The following FANCB variants were observed in gnomAD, a reference collection of about 807,000 sequenced individuals.
FANCB encodes Fanconi anemia group B protein.
Under a neutral mutation model 38.9 loss-of-function variants are expected in FANCB, and 5 were observed. The ratio of observed to expected loss-of-function variants is 0.13; its 90% CI spans 0.07 to 0.27. FANCB has a LOEUF of 0.27. FANCB is among the 10% of genes least tolerant of loss of function. The probability of loss-of-function intolerance (pLI) is 1.00; values close to 1 mark genes in which losing one functional copy is unlikely to be tolerated. For missense variants in FANCB, 573 were observed against 602.7 expected, an observed-to-expected ratio of 0.95 and a Z score of 0.52; for synonymous variants, 236 against 215.4, an observed-to-expected ratio of 1.10 and a Z score of -0.84.
chrX:14,869,543 C>T (rs1328558281), intron 1 of FANCB, among the ~76,000 whole-genome samples: 1 of 111,797 alleles, frequency 8.9e-6, no homozygotes, highest in African/African-American at 3.3e-5. Context: ...CTTAATTAGT[C>T]TTCCTTAATC....
the FANCB span, among the ~76,000 whole-genome samples, chrX:14,796,325 C>T: frequency 2.8e-5 from 3 of 106,959 alleles, no homozygotes; most frequent in African/African-American, 1.0e-4. Flanking sequence ...CTGTATTAGT[C>T]AGAGTTCTCC....
the FANCB span, among the ~76,000 whole-genome samples, chrX:14,702,562 T>G: frequency 8.9e-6 from 1 of 112,040 alleles, no homozygotes; most frequent in African/African-American, 3.2e-5. Flanking sequence ...CTGGTTTGAA[T>G]TCTTTGCAGT....
chrX:14,740,433 T>A, the FANCB span, among the ~76,000 whole-genome samples: 2 of 111,481 alleles, frequency 1.8e-5, no homozygotes, highest in African/African-American at 6.5e-5. Flanking sequence ...ACCTTACCAG[T>A]GCTTAAACAT....
At chrX:14,716,602 A>G in the FANCB span, among the ~76,000 whole-genome samples, 8 of 111,311 alleles carry the variant, frequency 7.2e-5, no homozygotes, top group Non-Finnish European at 1.5e-4. Context: ...GGATCACTAC[A>G]AACACAATTA....
chrX:14,727,334 A>G, the FANCB span, among the ~76,000 whole-genome samples: 12 of 112,261 alleles, frequency 1.1e-4, no homozygotes, highest in Admixed American at 1.9e-4. Context: ...CTTTGAAAGA[A>G]TAAGTAGCTT....
the FANCB span, among the ~76,000 whole-genome samples, chrX:14,752,164 A>G: frequency 6.3e-5 from 7 of 111,726 alleles, no homozygotes; most frequent in Non-Finnish European, 9.4e-5. Flanking sequence ...CTAATCACCA[A>G]TAAGACTTTC....
chrX:14,808,629 A>T, the FANCB span, among the ~76,000 whole-genome samples: 2 of 112,371 alleles, frequency 1.8e-5, no homozygotes, highest in Non-Finnish European at 3.8e-5. Context: ...GAAAAACTGA[A>T]AGCCTTTCCT....
chrX:14,781,184 C>T, the FANCB span, among the ~76,000 whole-genome samples: 2 of 108,138 alleles, frequency 1.8e-5, no homozygotes, highest in African/African-American at 3.7e-5. Flanking sequence ...AATCCCAAAA[C>T]TTTGGGAGGC....
chrX:14,818,468 AC>A, the FANCB span, among the ~76,000 whole-genome samples: 1 of 110,024 alleles, frequency 9.1e-6, no homozygotes, highest in South Asian at 3.9e-4. Flanking sequence ...ATGTTCCAAA[AC>A]ATTCATTCAA....
the FANCB span, among the ~76,000 whole-genome samples, chrX:14,798,492 A>C: frequency 8.9e-6 from 1 of 112,533 alleles, no homozygotes; most frequent in Admixed American, 9.4e-5. Context: ...ACAAAGAAAT[A>C]AGCAATATGT....
chrX:14,709,775 G>A, the FANCB span, among the ~76,000 whole-genome samples: 1 of 111,839 alleles, frequency 8.9e-6, no homozygotes, highest in Non-Finnish European at 1.9e-5. Flanking sequence ...TTACTCTGCT[G>A]CTTTGAATGT....
At chrX:14,815,494 T>A in the FANCB span, among the ~76,000 whole-genome samples, 1 of 112,628 alleles carries the variant, frequency 8.9e-6, no homozygotes, top group Non-Finnish European at 1.9e-5. Flanking sequence ...AGAATGGCTA[T>A]TATTTAAAAA....
downstream of FANCB, among the ~76,000 whole-genome samples, chrX:14,842,959 C>T (rs1213626537): frequency 8.9e-6 from 1 of 111,851 alleles, no homozygotes; most frequent in Non-Finnish European, 1.9e-5. Context: ...CCCAGACAAT[C>T]TGCCATTTAA....
chrX:14,839,854 A>ATT (rs140712188), downstream of FANCB, among the ~76,000 whole-genome samples: 4 of 102,016 alleles, frequency 3.9e-5, no homozygotes, highest in African/African-American at 1.4e-4. Context: ...GTTACAAGGG[A>ATT]TTTTTTTTTT....
the FANCB span, among the ~76,000 whole-genome samples, chrX:14,792,402 C>T: frequency 9.0e-6 from 1 of 110,739 alleles, no homozygotes; most frequent in Admixed American, 9.7e-5. Context: ...GCTGAGCTGT[C>T]CCTCCTCGAA....
the FANCB span, among the ~76,000 whole-genome samples, chrX:14,785,256 C>A: frequency 9.0e-6 from 1 of 111,602 alleles, no homozygotes; most frequent in Non-Finnish European, 1.9e-5. Context: ...TTGTTAATCA[C>A]GTCTAGAAAG....
At chrX:14,869,929 T>C (rs1415396968) in intron 1 of FANCB, among the ~76,000 whole-genome samples, 2 of 112,308 alleles carry the variant, frequency 1.8e-5, no homozygotes, top group Middle Eastern at 4.2e-3. Context: ...TTTATGACTA[T>C]TGAGTGAAAA....
the FANCB span, among the ~76,000 whole-genome samples, chrX:14,801,878 T>C: frequency 1.8e-5 from 2 of 110,989 alleles, no homozygotes; most frequent in African/African-American, 6.6e-5. Flanking sequence ...TCAAAGACTC[T>C]AGTCCCGAGA....
the FANCB span, among the ~76,000 whole-genome samples, chrX:14,773,881 C>T: frequency 9.0e-5 from 10 of 111,040 alleles, no homozygotes; most frequent in South Asian, 1.1e-3. Context: ...AAAGAAGTCC[C>T]GGGGAAGAGT....
Sources: gnomAD v4.1 joint callset for allele counts (sites outside exome capture counted in the v4.1 genomes callset) on GRCh38, gnomAD v4.1.1 for gene constraint, MANE v1.5 for transcripts, NCBI Gene and HGNC (gene_info 2026-07-23, HGNC 2026-07-21) for gene names.